Variants in GLDN observed in about 807,000 individuals in gnomAD.
The protein encoded by GLDN is gliomedin.
A neutral mutation model predicts 56.5 loss-of-function variants in GLDN; 47 were observed. The ratio of observed to expected loss-of-function variants is 0.83; its 90% confidence interval spans 0.66 to 1.06. GLDN has a LOEUF of 1.06. GLDN is among the 50% of genes least tolerant of loss of function. The probability of loss-of-function intolerance (pLI) is 0.00; values close to 1 mark genes in which losing one functional copy is unlikely to be tolerated. For missense variants in GLDN, 782 were observed against 714.3 expected (o/e 1.09, Z -1.08); for synonymous variants, 332 against 278.8 (o/e 1.19, Z -1.90).
chr15:51,374,836 CAA>C, intron 1 of GLDN, among the ~76,000 whole-genome samples: 1 of 147,554 alleles, frequency 6.8e-6, no homozygotes, highest in African/African-American at 2.5e-5. Context: ...CTCCAGGGTT[CAA>C]ACAATCCTCC....
At chr15:51,386,273 G>C (rs1477500632) in intron 4 of GLDN, among the ~76,000 whole-genome samples, 1 of 152,156 alleles carries the variant, frequency 6.6e-6, no homozygotes, top group African/African-American at 2.4e-5. Flanking sequence ...CCCAGGCCAG[G>C]GGAAGTGGGA....
intron 1 of GLDN, among the ~76,000 whole-genome samples, chr15:51,354,630 T>C (rs1387786531): frequency 1.3e-5 from 2 of 152,128 alleles, no homozygotes; most frequent in Non-Finnish European, 2.9e-5. Context: ...ATGAAAATGG[T>C]GCAAGTCAGG....
intron 2 of GLDN, among the ~76,000 whole-genome samples, chr15:51,382,235 G>A (rs562786562): frequency 6.6e-6 from 1 of 152,186 alleles, no homozygotes; most frequent in East Asian, 1.9e-4. Flanking sequence ...CACTTCCCCA[G>A]TACCCCTTGT....
chr15:51,380,439 C>T (rs16964319), intron 2 of GLDN, among the ~76,000 whole-genome samples: 14,804 of 152,184 alleles, frequency 0.097, 1,432 homozygotes, highest in African/African-American at 0.24. Context: ...GTTTTCTAAA[C>T]ACCCAGTTGG....
Position 51,377,912 on chromosome 15 carries a change from C to T in GLDN, c.415+412C>T, listed in dbSNP as rs116183974. ...AACTAGATGTTGCGGAGTGCTAGAGCAGTCCCCTCTGACTTTAAAACATTA... is the reference window on the plus strand; with the variant it reads ...AACTAGATGTTGCGGAGTGCTAGAGTAGTCCCCTCTGACTTTAAAACATTA... On this transcript the variant is annotated intron_variant, in intron 2 of 9. Coordinates refer to ENST00000335449, the MANE Select transcript of GLDN (RefSeq NM_181789.4). 3.3e-3 allele frequency among the ~76,000 whole-genome samples: 508 copies of T among 152,302 alleles called. 5 individuals carry two copies. The highest frequency in any genetic ancestry group is 0.011 in the African/African-American group (468 of 41,572).
At position 51,391,958 on chromosome 15, in the gene GLDN, T is replaced by C. The variant is rs114254348; in HGVS notation, c.542-2877T>C. On this transcript the variant is annotated intron_variant, in intron 4 of 9. Coordinates refer to ENST00000335449, the MANE Select transcript of GLDN (RefSeq NM_181789.4). ...TAGTTTTCACTAAGGTTTTTTTTTA[T>C]TGGTTGGTTGAAATCTAGCAAATTG... 4.5e-3 allele frequency among the ~76,000 whole-genome samples: 681 copies of C among 152,332 alleles called. 7 individuals are homozygous for C. The highest frequency in any genetic ancestry group is 0.015 in the African/African-American group (640 of 41,564).
intron 2 of GLDN, among the ~76,000 whole-genome samples, chr15:51,383,104 C>A (rs980062677): frequency 2.6e-5 from 4 of 152,200 alleles, no homozygotes; most frequent in Non-Finnish European, 5.9e-5. Flanking sequence ...AACCCCCATG[C>A]TAGGGCTGCA....
chr15:51,357,241 C>T (rs531662240), intron 1 of GLDN, among the ~76,000 whole-genome samples: 10 of 152,304 alleles, frequency 6.6e-5, no homozygotes, highest in East Asian at 3.9e-4. Context: ...TTTGGGTCCA[C>T]GCATTTCTCT....
intron 2 of GLDN, among the ~76,000 whole-genome samples, chr15:51,381,561 G>A (rs754245589): frequency 1.1e-4 from 17 of 151,962 alleles, no homozygotes; most frequent in East Asian, 1.9e-4. Flanking sequence ...AAGTCCCCAC[G>A]CCTGTCAAAA....
At chr15:51,383,984 G>A in intron 4 of GLDN, 92 bp downstream of exon 4, 2 of 964,252 alleles carry the variant, frequency 2.1e-6, no homozygotes, top group South Asian at 1.4e-5. Flanking sequence ...CAGGGGTAAG[G>A]TGTTTCATCT....
At chr15:51,357,241 C>A (rs531662240) in intron 1 of GLDN, among the ~76,000 whole-genome samples, 1 of 152,304 alleles carries the variant, frequency 6.6e-6, no homozygotes, top group Admixed American at 6.5e-5. Flanking sequence ...TTTGGGTCCA[C>A]GCATTTCTCT....
At chr15:51,377,382 C>T (rs777493493) in intron 1 of GLDN, 67 bp from the exon 2 acceptor site, 1 of 1,329,788 alleles carries the variant, frequency 7.5e-7, no homozygotes, top group Non-Finnish European at 1.1e-6. Flanking sequence ...TTCTGCTCGT[C>T]TGAATAAAGG....
chr15:51,352,602 C>T (rs1595802299), intron 1 of GLDN, among the ~76,000 whole-genome samples: 1 of 152,334 alleles, frequency 6.6e-6, no homozygotes, highest in South Asian at 2.1e-4. Flanking sequence ...GGATTGGAAT[C>T]ATACCAACCT....
chr15:51,378,459 G>T (rs755670878), intron 2 of GLDN, among the ~76,000 whole-genome samples: 2 of 152,172 alleles, frequency 1.3e-5, no homozygotes, highest in Non-Finnish European at 1.5e-5. Context: ...GAGTGCTAGA[G>T]AAATGGATGG....
At position 51,375,952 on chromosome 15, in the gene GLDN, T is replaced by A. The variant is rs1423902083; in HGVS notation, c.364-1497T>A. Among the ~76,000 whole-genome samples, 5 of 152,326 alleles carry A rather than the reference T, an allele frequency of 3.3e-5. No homozygotes were observed. The East Asian group carries it at 9.6e-4, about 29-fold the overall frequency. On this transcript the variant is annotated intron_variant, in intron 1 of 9. Coordinates refer to ENST00000335449, the MANE Select transcript of GLDN (RefSeq NM_181789.4). ...GGCTGGCTCATTATGGTGGTGAAAG[T>A]TGGATTTGGCAATTCCCTCGTCATC...
intron 4 of GLDN, among the ~76,000 whole-genome samples, chr15:51,388,524 A>G (rs2037948618): frequency 6.6e-6 from 1 of 152,168 alleles, no homozygotes; most frequent in African/African-American, 2.4e-5. Context: ...TGACTCCCCA[A>G]GCAGAATGTG....
intron 4 of GLDN, among the ~76,000 whole-genome samples, chr15:51,387,221 C>T (rs1472564447): frequency 2.0e-5 from 3 of 152,058 alleles, no homozygotes; most frequent in African/African-American, 4.8e-5. Flanking sequence ...AGGGTGGGGA[C>T]GTTCATCAAC....
Position 51,394,821 on chromosome 15 carries a change from GT to G in GLDN, c.542-7del, listed in dbSNP as rs745777405. On this transcript the variant is annotated splice_polypyrimidine_tract_variant and intron_variant, in intron 4 of 9. Transcript: ENST00000335449. ...TGCACCATAGGCTAATATGTCTTTT[GT>G]TTTTTTGGTCAGGGATACCTGGAGC... is the stretch of plus-strand genomic sequence containing the variant. 316 of 1,613,690 alleles carry G rather than the reference GT, an allele frequency of 2.0e-4. 3 individuals are homozygous for G. In the South Asian group the frequency reaches 3.3e-3, roughly 17 times the overall value.
chr15:51,350,720 A>G (rs1244582263), intron 1 of GLDN, among the ~76,000 whole-genome samples: 2 of 152,166 alleles, frequency 1.3e-5, no homozygotes, highest in African/African-American at 4.8e-5. Context: ...GGCCCCTGAG[A>G]TCCATTGCAT....
Sources: gnomAD v4.1 joint callset for allele counts (sites outside exome capture counted in the v4.1 genomes callset) on GRCh38, gnomAD v4.1.1 for gene constraint, MANE v1.5 for transcripts, NCBI Gene and HGNC (gene_info 2026-07-23, HGNC 2026-07-21) for gene names.